SYCP1: variants seen among roughly 807,000 people sequenced by gnomAD.
SYCP1 encodes the protein synaptonemal complex protein 1.
A neutral mutation model predicts 153.1 loss-of-function variants in SYCP1; 64 were observed. The ratio of observed to expected loss-of-function variants is 0.42; its 90% CI spans 0.34 to 0.51. SYCP1 has a LOEUF of 0.51. SYCP1 is among the 20% of genes least tolerant of loss of function. The pLI is 0.06. For synonymous variants in SYCP1, 384 were observed against 341.8 expected (o/e 1.12, Z -1.36); for missense variants, 997 against 1,049.0 (o/e 0.95, Z 0.68).
intron 27 of SYCP1, among the ~76,000 whole-genome samples, chr1:114,947,766 C>T (rs1670811971): frequency 1.7e-5 from 2 of 120,910 alleles, no homozygotes; most frequent in African/African-American, 6.3e-5. Context: ...CAGCCGAGAT[C>T]GCGCCACTGC....
chr1:114,880,641 C>T (rs1665858296), intron 12 of SYCP1, among the ~76,000 whole-genome samples: 1 of 152,166 alleles, frequency 6.6e-6, no homozygotes, highest in Admixed American at 6.5e-5. Flanking sequence ...TTTTCTGTAC[C>T]TTAGCAACAG....
intron 25 of SYCP1, among the ~76,000 whole-genome samples, chr1:114,945,921 T>C (rs947335776): frequency 2.0e-5 from 3 of 152,156 alleles, no homozygotes; most frequent in Non-Finnish European, 4.4e-5. Context: ...CTAATGCTAG[T>C]TTAAGGCTTG....
intron 8 of SYCP1, among the ~76,000 whole-genome samples, chr1:114,861,804 T>TC (rs1664394559): frequency 6.6e-6 from 1 of 150,802 alleles, no homozygotes; most frequent in Non-Finnish European, 1.5e-5. Context: ...TTATTCTTTT[T>TC]TTTTTTTTTT....
rs776683356 is a variant in SYCP1 at position 114,984,799 on chromosome 1, TA to T, written c.2642del (p.Lys881ArgfsTer21). The T allele has an allele frequency of 3.2e-5, 48 of 1,509,332 alleles. No individual in the cohort carries two copies. Among genetic ancestry groups the T allele is most frequent in the Admixed American group, 1.1e-4 (5 of 46,326 alleles). The allele number at this position is 1,509,332 out of a possible 1,614,324, so 93.5% of individuals were successfully genotyped here. A position where few individuals can be genotyped will look rare whatever the true frequency, so the allele number is the denominator to read the frequency against. ...ENLNIPIEES[K>X]KKRKMAFEFD... ...ACTTGAATATACCCATTGAAGAAAG[TA>T]AAAAAAAGAGAAAAATGGCCTTTGA... On this transcript the variant is annotated frameshift_variant, in exon 30 of 32. Transcript: ENST00000369522. LOFTEE classifies it high-confidence loss of function.
At chr1:114,986,201 C>T (rs1212345279) in intron 30 of SYCP1, among the ~76,000 whole-genome samples, 4 of 151,930 alleles carry the variant, frequency 2.6e-5, no homozygotes, top group Admixed American at 2.6e-4. Context: ...GAAACTGAGT[C>T]ACACAAGTAT....
At chr1:114,928,156 A>G (rs747076753) in intron 23 of SYCP1, among the ~76,000 whole-genome samples, 4 of 152,174 alleles carry the variant, frequency 2.6e-5, no homozygotes, top group Non-Finnish European at 5.9e-5. Flanking sequence ...TTTCTCAAAA[A>G]TTTATCACAC....
At chr1:114,912,909 A>T in intron 18 of SYCP1, 124 bp from the exon 19 acceptor site, 1 of 635,294 alleles carries the variant, frequency 1.6e-6, no homozygotes. Context: ...CCAATAGTCA[A>T]TTTTGTTTCA....
At chr1:114,895,239 A>G (rs1456033988) in intron 15 of SYCP1, among the ~76,000 whole-genome samples, 1 of 152,100 alleles carries the variant, frequency 6.6e-6, no homozygotes, top group African/African-American at 2.4e-5. Flanking sequence ...TGGCAATGGC[A>G]TTAACTTTAG....
rs201572651 is a variant in SYCP1 at position 114,908,181 on chromosome 1, A to AT, written c.1321-2201dup. On this transcript the variant is annotated intron_variant, in intron 16 of 31. Coordinates refer to ENST00000369522, the MANE Select transcript of SYCP1 (RefSeq NM_003176.4). ...TTTATTTACTCTTCATTCTGGAAGGATTTTTTTTTTTTTTTGTTATAGGAT... is the reference window on the plus strand; with the variant it reads ...TTTATTTACTCTTCATTCTGGAAGGATTTTTTTTTTTTTTTTGTTATAGGAT... Among the ~76,000 whole-genome samples the AT allele has an allele frequency of 1.7e-3, 234 of 141,084 alleles. 1 individual carries two copies. The highest frequency in any genetic ancestry group is 0.014 in the South Asian group (62 of 4,468). The allele number at this position is 141,084 out of a possible 152,430, so 92.6% of individuals were successfully genotyped here.
intron 29 of SYCP1, among the ~76,000 whole-genome samples, chr1:114,982,648 CT>C (rs1379199766): frequency 7.3e-5 from 11 of 151,608 alleles, no homozygotes; most frequent in African/African-American, 2.7e-4. Context: ...ACATAATTTT[CT>C]TTAGCTCTTT....
intron 16 of SYCP1, among the ~76,000 whole-genome samples, chr1:114,898,073 C>T (rs1408616484): frequency 6.6e-6 from 1 of 152,204 alleles, no homozygotes; most frequent in South Asian, 2.1e-4. Flanking sequence ...CAGGAATCAG[C>T]CACACTCACC....
intron 15 of SYCP1, 125 bp downstream of exon 15, chr1:114,887,818 T>C (rs1666418826): frequency 1.8e-6 from 1 of 555,406 alleles, no homozygotes; most frequent in African/African-American, 2.0e-5. Context: ...CTTGATAATA[T>C]TTTTATTTCA....
At chr1:114,883,320 T>C (rs2101529822) in intron 12 of SYCP1, among the ~76,000 whole-genome samples, 1 of 152,358 alleles carries the variant, frequency 6.6e-6, no homozygotes, top group East Asian at 1.9e-4. Flanking sequence ...TGATAATACT[T>C]ATTTTTAAAT....
intron 21 of SYCP1, 70 bp from the exon 22 acceptor site, chr1:114,926,208 A>C: frequency 8.3e-7 from 1 of 1,197,926 alleles, no homozygotes; most frequent in Non-Finnish European, 1.1e-6. Context: ...CAATATTTTT[A>C]TTAGTCTGAA....
Position 114,858,720 on chromosome 1 carries a change from C to T in SYCP1, c.456+9C>T. On this transcript the variant is annotated intron_variant, in intron 6 of 31. Coordinates refer to ENST00000369522, the MANE Select transcript of SYCP1 (RefSeq NM_003176.4). ...CCATTCAGGAACTGCAAGTATGACA[C>T]AATTTTGCATTGTAAACATAGTATA... 2 of 1,602,656 alleles carry T rather than the reference C, an allele frequency of 1.2e-6. No individual in the cohort carries two copies. The highest frequency in any genetic ancestry group is 8.5e-7 in the Non-Finnish European group (1 of 1,174,912).
At chr1:114,880,703 G>A (rs908815012) in intron 12 of SYCP1, among the ~76,000 whole-genome samples, 12 of 152,094 alleles carry the variant, frequency 7.9e-5, no homozygotes, top group African/African-American at 2.7e-4. Context: ...TGCCCAGATC[G>A]GCAGATGTCA....
At chr1:114,913,235 T>A in intron 19 of SYCP1, 85 bp downstream of exon 19, 1 of 1,066,718 alleles carries the variant, frequency 9.4e-7, no homozygotes, top group Non-Finnish European at 1.4e-6. Flanking sequence ...CCCTTTGACC[T>A]TTAAAGTCTG....
intron 8 of SYCP1, among the ~76,000 whole-genome samples, chr1:114,861,097 A>C (rs913109489): frequency 3.3e-5 from 5 of 152,188 alleles, no homozygotes; most frequent in Non-Finnish European, 1.5e-5. Flanking sequence ...GTCTGGAACA[A>C]CTAGGAAATT....
intron 16 of SYCP1, among the ~76,000 whole-genome samples, chr1:114,898,903 A>G (rs566206603): frequency 6.6e-6 from 1 of 152,284 alleles, no homozygotes; most frequent in South Asian, 2.1e-4. Context: ...CTCTCCTTCT[A>G]AGGTCCCAAG....
Sources: gnomAD v4.1 joint callset for allele counts (sites outside exome capture counted in the v4.1 genomes callset) on GRCh38, gnomAD v4.1.1 for gene constraint, MANE v1.5 for transcripts, NCBI Gene and HGNC (gene_info 2026-07-23, HGNC 2026-07-21) for gene names.